The following ACYP2 variants were observed in gnomAD, a reference collection of about 807,000 sequenced individuals.
ACYP2 encodes acylphosphatase 2.
Under a neutral mutation model 11.2 loss-of-function variants are expected in ACYP2, and 12 were observed. The observed-to-expected ratio is 1.08, with a 90% CI of 0.69 to 1.74. The LOEUF (loss-of-function observed/expected upper bound fraction) is 1.74, where lower values mean the gene tolerates loss of function less well. Among genes scored for constraint, ACYP2 ranks in the 40% most tolerant of loss-of-function variants. The pLI, the probability that ACYP2 is intolerant of heterozygous loss-of-function variation, is 0.00. For synonymous variants in ACYP2, 43 were observed against 32.2 expected (o/e 1.33, Z -1.13); for missense variants, 134 against 101.9 (o/e 1.31, Z -1.35).
At chr2:54,109,566 C>A (rs954953715) in intron 4 of ACYP2, among the ~76,000 whole-genome samples, 1 of 151,940 alleles carries the variant, frequency 6.6e-6, no homozygotes, top group Non-Finnish European at 1.5e-5. Context: ...TGAGATAAAA[C>A]ATAAATTTAA....
At chr2:54,202,877 T>G (rs1180238333) in intron 6 of ACYP2, among the ~76,000 whole-genome samples, 6 of 151,824 alleles carry the variant, frequency 4.0e-5, no homozygotes, top group Non-Finnish European at 8.8e-5. Flanking sequence ...TGTAGTTTTA[T>G]AGTAAGTTTT....
chr2:54,115,758 TAGG>T lies in ACYP2; in HGVS notation c.278-19691_278-19689del. The T allele has an allele frequency of 1.2e-6, 2 of 1,604,530 alleles. No homozygotes were observed. The highest frequency in any genetic ancestry group is 2.2e-5 in the South Asian group (2 of 90,162). ...ACGAGGTGTTCGGAAGAGTGCAGGG[TAGG>T]AGGCCCCTCTACGGTGGGAGATCAA... On this transcript the variant is annotated intron_variant, in intron 4 of 6. Transcript: ENST00000607452.
chr2:54,237,799 A>C (rs1240334991), intron 6 of ACYP2, among the ~76,000 whole-genome samples: 1 of 151,928 alleles, frequency 6.6e-6, no homozygotes, highest in African/African-American at 2.4e-5. Flanking sequence ...AATTTTTGCA[A>C]AGTCTCAGTC....
chr2:54,202,220 T>A (rs1682112), intron 6 of ACYP2, among the ~76,000 whole-genome samples: 41,578 of 151,884 alleles, frequency 0.27, 5,876 homozygotes, highest in South Asian at 0.44. Flanking sequence ...GCAGTTCTCC[T>A]GCCTTGGCAT....
chr2:54,119,483 T>C (rs1680017950), intron 4 of ACYP2, among the ~76,000 whole-genome samples: 1 of 152,206 alleles, frequency 6.6e-6, no homozygotes, highest in Non-Finnish European at 1.5e-5. Context: ...GAACCTATAA[T>C]TGGGAACATT....
intron 4 of ACYP2, among the ~76,000 whole-genome samples, chr2:54,111,397 A>G (rs1376144543): frequency 6.6e-6 from 1 of 152,232 alleles, no homozygotes; most frequent in Non-Finnish European, 1.5e-5. Context: ...TCCTCACTTC[A>G]GCATACTCAG....
At chr2:54,026,014 G>A (rs1025172129) in intron 2 of ACYP2, among the ~76,000 whole-genome samples, 1 of 152,190 alleles carries the variant, frequency 6.6e-6, no homozygotes, top group Non-Finnish European at 1.5e-5. Context: ...CTACTTGGGA[G>A]GGTGAGGCAG....
chr2:54,010,329 C>T (rs1573510802), intron 2 of ACYP2, among the ~76,000 whole-genome samples: 2 of 151,986 alleles, frequency 1.3e-5, no homozygotes, highest in East Asian at 3.9e-4. Context: ...ACTAAAAATA[C>T]AAAAATTAGT....
intron 2 of ACYP2, among the ~76,000 whole-genome samples, chr2:53,993,888 A>G (rs189601509): frequency 2.0e-5 from 3 of 152,122 alleles, no homozygotes; most frequent in Non-Finnish European, 2.9e-5. Flanking sequence ...AAGAGGATGT[A>G]TAATATAGGA....
chr2:54,269,947 T>C (rs1688208922), intron 6 of ACYP2, among the ~76,000 whole-genome samples: 1 of 152,246 alleles, frequency 6.6e-6, no homozygotes. Context: ...CACTGTAATT[T>C]ATACTGGGTA....
intron 2 of ACYP2, among the ~76,000 whole-genome samples, chr2:54,039,779 C>T (rs972632634): frequency 1.5e-4 from 22 of 150,168 alleles, no homozygotes; most frequent in Non-Finnish European, 2.5e-4. Context: ...ATGTTTTTAT[C>T]GGTGTCACTC....
chr2:54,286,067 G>C (rs544140163), intron 6 of ACYP2, among the ~76,000 whole-genome samples: 12 of 152,234 alleles, frequency 7.9e-5, no homozygotes, highest in Admixed American at 7.2e-4. Flanking sequence ...AGTGAGAAAT[G>C]CATTTAATAC....
Position 54,065,320 on chromosome 2 carries a change from C to T in ACYP2, c.277+7960C>T. On this transcript the variant is annotated intron_variant, in intron 4 of 6. Coordinates refer to ENST00000607452, the MANE Select transcript of ACYP2 (RefSeq NM_001320586.2). ...TGAATTGGATGTTGACTATAGGAGG[C>T]CCAGGTACTTTGTTTAAATCCTGAT... 1.0e-5 allele frequency: 4 copies of T among 392,588 alleles called. No individual in the cohort carries two copies. In the South Asian group the frequency reaches 4.3e-4, roughly 42 times the overall value. 24.3% of individuals were successfully genotyped at this position (392,588 alleles called of 1,614,324 possible).
In ACYP2 at chr2:54,255,959, C is replaced by T. The variant is rs200365615; in HGVS notation, c.405-48729C>T. 1.5e-4 allele frequency: 240 copies of T among 1,613,952 alleles called. 1 individual carries two copies. The highest frequency in any genetic ancestry group is 4.4e-5 in the South Asian group (4 of 91,080). ...ATGTGGAAAGTATGGCCACCATCTG[C>T]GGGATCCTGGGGCGCGACCCCCTCC... On this transcript the variant is annotated intron_variant, in intron 6 of 6. Coordinates refer to ENST00000607452, the MANE Select transcript of ACYP2 (RefSeq NM_001320586.2).
At chr2:54,106,238 T>C (rs979132576) in intron 4 of ACYP2, among the ~76,000 whole-genome samples, 2 of 152,108 alleles carry the variant, frequency 1.3e-5, no homozygotes, top group African/African-American at 4.8e-5. Flanking sequence ...TTAATTTTTT[T>C]AATTTTTAAA....
intron 6 of ACYP2, 114 bp downstream of exon 3, chr2:54,138,862 G>A (rs1336081147): frequency 4.7e-5 from 37 of 784,876 alleles, no homozygotes; most frequent in Non-Finnish European, 5.6e-5. Flanking sequence ...GCACAATCTC[G>A]GCTCACTACA....
chr2:53,972,100 G>A (rs1322353483), intron 1 of ACYP2, among the ~76,000 whole-genome samples: 1 of 151,996 alleles, frequency 6.6e-6, no homozygotes, highest in East Asian at 1.9e-4. Flanking sequence ...ACGAGGTCAG[G>A]AGTTCGAGAC....
At chr2:54,038,264 T>C (rs975172424) in intron 2 of ACYP2, among the ~76,000 whole-genome samples, 2 of 152,178 alleles carry the variant, frequency 1.3e-5, no homozygotes, top group African/African-American at 4.8e-5. Flanking sequence ...AAGATTCACA[T>C]TAAGTTCAGC....
At chr2:54,061,618 G>C (rs1264032014) in intron 4 of ACYP2, among the ~76,000 whole-genome samples, 1 of 152,188 alleles carries the variant, frequency 6.6e-6, no homozygotes, top group Admixed American at 6.5e-5. Flanking sequence ...GAGCCTATTG[G>C]TTAGTTCATG....
Sources: allele counts gnomAD v4.1 joint callset (sites outside exome capture counted in the v4.1 genomes callset), GRCh38; gene constraint gnomAD v4.1.1; transcripts MANE v1.5; gene names NCBI Gene and HGNC (gene_info 2026-07-23, HGNC 2026-07-21).